Variants in MIR2052HG observed in about 807,000 individuals in gnomAD.
MIR2052HG encodes MIR2052 host gene.
chr8:74,714,354 G>A (rs1038778320), intron 4 of MIR2052HG, among the ~76,000 whole-genome samples: 1 of 152,148 alleles, frequency 6.6e-6, no homozygotes, highest in Non-Finnish European at 1.5e-5. Flanking sequence ...CAACATATGT[G>A]TGTGATGAGT....
intron 4 of MIR2052HG, among the ~76,000 whole-genome samples, chr8:74,719,853 T>C (rs1321661099): frequency 1.5e-5 from 2 of 132,994 alleles, no homozygotes; most frequent in Non-Finnish European, 3.1e-5. Flanking sequence ...TTTTTTCTTT[T>C]TTTTTTTTTT....
chr8:74,756,887 T>C (rs755318219), intron 5 of MIR2052HG: 1 of 152,206 alleles, frequency 6.6e-6, no homozygotes, highest in Non-Finnish European at 1.5e-5. Context: ...ACTTACCATA[T>C]GAACAAGTGA....
intron 2 of MIR2052HG, among the ~76,000 whole-genome samples, chr8:74,616,842 C>G (rs1188331670): frequency 1.3e-5 from 2 of 152,048 alleles, no homozygotes; most frequent in Non-Finnish European, 2.9e-5. Flanking sequence ...ATGGCTAAAT[C>G]TAATGGTTAA....
At chr8:74,727,534 A>G (rs73339285) in intron 4 of MIR2052HG, among the ~76,000 whole-genome samples, 2,756 of 152,352 alleles carry the variant, frequency 0.018, 82 homozygotes, top group African/African-American at 0.057. Context: ...GACATAAATT[A>G]CCATTGTTTT....
At chr8:74,729,053 G>A (rs1185437206) in intron 4 of MIR2052HG, among the ~76,000 whole-genome samples, 1 of 152,174 alleles carries the variant, frequency 6.6e-6, no homozygotes, top group Non-Finnish European at 1.5e-5. Flanking sequence ...AGAACTCTAA[G>A]TTTTAAGGGG....
chr8:74,740,297 C>T (rs1199836412), intron 4 of MIR2052HG, among the ~76,000 whole-genome samples: 1 of 152,092 alleles, frequency 6.6e-6, no homozygotes, highest in Non-Finnish European at 1.5e-5. Context: ...AACCCTGTCT[C>T]TACTAAAAAT....
intron 2 of MIR2052HG, among the ~76,000 whole-genome samples, chr8:74,616,879 G>C (rs1285486252): frequency 1.3e-5 from 2 of 151,766 alleles, no homozygotes; most frequent in Admixed American, 1.3e-4. Context: ...TATAGACTAG[G>C]TGTCATTTAG....
chr8:74,719,511 C>T (rs1321611405), intron 4 of MIR2052HG, among the ~76,000 whole-genome samples: 2 of 152,094 alleles, frequency 1.3e-5, no homozygotes, highest in Non-Finnish European at 1.5e-5. Context: ...AAAGCCAAAC[C>T]GACTTCTAGA....
intron 1 of MIR2052HG, among the ~76,000 whole-genome samples, chr8:74,609,455 A>G (rs1471665713): frequency 6.6e-6 from 1 of 151,866 alleles, no homozygotes; most frequent in Non-Finnish European, 1.5e-5. Flanking sequence ...CGATGCCAGC[A>G]TTACTCAAAC....
At chr8:74,751,272 G>A (rs1004451700) in intron 4 of MIR2052HG, among the ~76,000 whole-genome samples, 1 of 152,128 alleles carries the variant, frequency 6.6e-6, no homozygotes, top group African/African-American at 2.4e-5. Flanking sequence ...TCTCATTTTT[G>A]TGCTATTTCT....
At chr8:74,747,223 A>G (rs1320723349) in intron 4 of MIR2052HG, among the ~76,000 whole-genome samples, 2 of 152,166 alleles carry the variant, frequency 1.3e-5, no homozygotes, top group Middle Eastern at 3.2e-3. Context: ...TACTTGAACT[A>G]TGTCTTAGGC....
intron 2 of MIR2052HG, among the ~76,000 whole-genome samples, chr8:74,626,004 G>T (rs556824675): frequency 6.6e-6 from 1 of 152,112 alleles, no homozygotes; most frequent in Non-Finnish European, 1.5e-5. Flanking sequence ...AATTACAGAA[G>T]CCCCAAAGAG....
intron 2 of MIR2052HG, among the ~76,000 whole-genome samples, chr8:74,649,976 T>C (rs1443796987): frequency 1.3e-5 from 2 of 152,180 alleles, no homozygotes; most frequent in African/African-American, 4.8e-5. Flanking sequence ...TGAAATATGA[T>C]TTGAAATTTT....
intron 1 of MIR2052HG, among the ~76,000 whole-genome samples, chr8:74,609,542 C>T (rs565667946): frequency 6.6e-6 from 1 of 151,688 alleles, no homozygotes; most frequent in South Asian, 2.1e-4. Flanking sequence ...ACAAACCTTT[C>T]TAACAAAATT....
intron 2 of MIR2052HG, among the ~76,000 whole-genome samples, chr8:74,639,101 G>A (rs549443850): frequency 1.3e-5 from 2 of 152,232 alleles, no homozygotes; most frequent in East Asian, 3.9e-4. Context: ...GGGTAAATAG[G>A]TTTGAGTAGC....
intron 4 of MIR2052HG, among the ~76,000 whole-genome samples, chr8:74,746,075 T>C (rs897879845): frequency 4.6e-5 from 7 of 152,160 alleles, no homozygotes; most frequent in South Asian, 2.1e-4. Flanking sequence ...CTTGAGGATG[T>C]TGTAATTAAG....
intron 4 of MIR2052HG, among the ~76,000 whole-genome samples, chr8:74,707,295 G>A (rs1809420851): frequency 6.6e-6 from 1 of 152,100 alleles, no homozygotes; most frequent in African/African-American, 2.4e-5. Flanking sequence ...GCCCAGGAGA[G>A]GCTGAAAGTC....
intron 1 of MIR2052HG, chr8:74,599,931 G>T (rs1457389315): frequency 4.3e-5 from 7 of 163,070 alleles, no homozygotes; most frequent in South Asian, 1.8e-4. Flanking sequence ...CTCTCGTGGT[G>T]CGCCGTTTTT....
At chr8:74,703,567 T>C in intron 3 of MIR2052HG, 1 of 432,472 alleles carries the variant, frequency 2.3e-6, no homozygotes, top group Non-Finnish European at 4.6e-6. Flanking sequence ...CATGATGGGA[T>C]TACTGTTATC....
Sources: gnomAD v4.1 joint callset for allele counts (sites outside exome capture counted in the v4.1 genomes callset) on GRCh38, gnomAD v4.1.1 for gene constraint, MANE v1.5 for transcripts, NCBI Gene and HGNC (gene_info 2026-07-23, HGNC 2026-07-21) for gene names.